AGXT2: variants seen among roughly 807,000 people sequenced by gnomAD.
The protein encoded by AGXT2 is alanine--glyoxylate aminotransferase 2, mitochondrial.
Under a neutral mutation model 62.5 loss-of-function variants are expected in AGXT2, and 61 were observed. That is an observed-to-expected ratio of 0.98 (90% CI 0.79 to 1.21). The LOEUF (loss-of-function observed/expected upper bound fraction) is 1.21. AGXT2 is among the 50% of genes most tolerant of loss of function. The pLI is 0.00. For synonymous variants in AGXT2, 243 were observed against 218.7 expected (o/e 1.11, Z -0.98); for missense variants, 666 against 641.5 (o/e 1.04, Z -0.41).
rs1261849971 is a variant in AGXT2 at position 35,035,242 on chromosome 5, G to A, written c.561C>T (p.Asn187=). Residue 187 remains asparagine, a synonymous_variant, in exon 5 of 14, where the codon AAC becomes AAT. Coordinates refer to ENST00000231420, the MANE Select transcript of AGXT2 (RefSeq NM_031900.4). The part of the protein sequence containing the change: ...AMLMARAHSN[N]IDIISFRGAY... Reference sequence around the variant, plus strand: ...ATTACCTGAAAGAAATGATGTCTATGTTGTTTGAGTGCGCCCTGGCCATCA... The same window carrying A: ...ATTACCTGAAAGAAATGATGTCTATATTGTTTGAGTGCGCCCTGGCCATCA... 6.2e-7 allele frequency: 1 copy of A among 1,613,986 alleles called. No homozygotes were observed. Among genetic ancestry groups the A allele is most frequent in the South Asian group, 1.1e-5 (1 of 91,086 alleles).
chr5:35,004,036 T>C (rs546445392), intron 12 of AGXT2, among the ~76,000 whole-genome samples, 175 bp from the exon 13 acceptor site: 15 of 152,328 alleles, frequency 9.8e-5, no homozygotes, highest in Middle Eastern at 3.4e-3. Flanking sequence ...TGCTAATTGC[T>C]GAACCAGATT....
intron 9 of AGXT2, among the ~76,000 whole-genome samples, chr5:35,023,732 C>A (rs1201035052): frequency 6.6e-6 from 1 of 152,206 alleles, no homozygotes; most frequent in Non-Finnish European, 1.5e-5. Flanking sequence ...TCAGCAGGAG[C>A]AGGCTGGCCC....
chr5:35,027,887 C>T (rs1268369022), intron 7 of AGXT2, among the ~76,000 whole-genome samples: 2 of 150,210 alleles, frequency 1.3e-5, no homozygotes, highest in Admixed American at 6.7e-5. Context: ...CCTCCCAGTC[C>T]CTCCACTTCC....
At position 35,032,759 on chromosome 5, in the gene AGXT2, T is replaced by G. The variant is rs1767616111; in HGVS notation, c.742A>C (p.Thr248Pro). 1.2e-6 allele frequency: 2 copies of G among 1,609,504 alleles called. No individual in the cohort carries two copies. The highest frequency in any genetic ancestry group is 2.7e-5 in the African/African-American group (2 of 74,880). Residue 248 changes from threonine to proline, a missense_variant, in exon 7 of 14, where the codon ACA becomes CCA. Physicochemically the swap from Thr to Pro is conservative, Grantham distance 38. Transcript: ENST00000231420. ...GSHCRDSPVQ[T>P]IRKCSCAPDC... The stretch of plus-strand genomic sequence containing the variant: ...GGTGCACAGCTGCACTTCCTGATTG[T>G]TTGCACTGGAGAATCTCGACAGTGG...
rs558555911 is a variant in AGXT2 at position 35,040,433 on chromosome 5, A to G, written c.177+142T>C. The stretch of plus-strand genomic sequence containing the variant: ...GATTAAGAGGGTTTCAGATGCTTCC[A>G]ATGACTTAGAGGTACAATATCTGGA... On this transcript the variant is annotated intron_variant, in intron 2 of 13. Coordinates refer to ENST00000231420, the MANE Select transcript of AGXT2 (RefSeq NM_031900.4). The G allele has an allele frequency of 3.8e-6, 3 of 787,218 alleles. No homozygotes were observed. The South Asian group carries it at 4.4e-5, about 11-fold the overall frequency. The allele number at this position is 787,218 out of a possible 1,614,324, so 48.8% of individuals were successfully genotyped here. A position where few individuals can be genotyped will look rare whatever the true frequency, so the allele number is the denominator to read the frequency against.
intron 7 of AGXT2, among the ~76,000 whole-genome samples, chr5:35,029,422 C>T (rs1232779685): frequency 6.6e-6 from 1 of 152,214 alleles, no homozygotes; most frequent in Non-Finnish European, 1.5e-5. Flanking sequence ...TTTTCCCTCT[C>T]TGCCCACATG....
At chr5:35,000,360 C>T (rs1209357105) in intron 13 of AGXT2, among the ~76,000 whole-genome samples, 1 of 152,044 alleles carries the variant, frequency 6.6e-6, no homozygotes, top group Non-Finnish European at 1.5e-5. Flanking sequence ...CCTTCTCCTG[C>T]CTTTTATTAT....
intron 9 of AGXT2, among the ~76,000 whole-genome samples, chr5:35,018,342 A>G (rs891220410): frequency 1.3e-5 from 2 of 152,230 alleles, no homozygotes; most frequent in Non-Finnish European, 2.9e-5. Flanking sequence ...GGTTACCCTC[A>G]AAGGGAAGCC....
intron 12 of AGXT2, among the ~76,000 whole-genome samples, chr5:35,006,841 C>T (rs192656152): frequency 9.2e-5 from 14 of 152,204 alleles, no homozygotes; most frequent in East Asian, 5.8e-4. Context: ...TATAACTATG[C>T]GACTGTGGTT....
chr5:35,016,777 C>G (rs1237130094), intron 9 of AGXT2, among the ~76,000 whole-genome samples: 1 of 152,010 alleles, frequency 6.6e-6, no homozygotes, highest in Admixed American at 6.5e-5. Flanking sequence ...TATGTAAAAC[C>G]ATAAACCATG....
At chr5:35,010,904 C>T (rs994784720) in intron 11 of AGXT2, among the ~76,000 whole-genome samples, 11 of 152,264 alleles carry the variant, frequency 7.2e-5, no homozygotes, top group African/African-American at 2.4e-4. Flanking sequence ...CAGACATGGA[C>T]TCTCATAGCC....
intron 13 of AGXT2, among the ~76,000 whole-genome samples, chr5:34,999,236 C>G (rs1220298638): frequency 6.6e-6 from 1 of 152,230 alleles, no homozygotes; most frequent in Non-Finnish European, 1.5e-5. Flanking sequence ...ATACCCATGG[C>G]CAATGCCATG....
chr5:35,034,141 CTA>C (rs1767681506), intron 5 of AGXT2, among the ~76,000 whole-genome samples: 1 of 152,030 alleles, frequency 6.6e-6, no homozygotes, highest in African/African-American at 2.4e-5. Context: ...ACCGTTAAGA[CTA>C]TTCAAAAGAA....
intron 13 of AGXT2, 116 bp from the exon 14 acceptor site, chr5:34,998,942 T>C: frequency 1.2e-6 from 1 of 812,616 alleles, no homozygotes; most frequent in Admixed American, 2.0e-5. Flanking sequence ...CTCATGTTTC[T>C]CTCAGTTTGG....
chr5:35,002,015 T>C (rs1766243837), intron 13 of AGXT2, among the ~76,000 whole-genome samples: 1 of 152,174 alleles, frequency 6.6e-6, no homozygotes, highest in Non-Finnish European at 1.5e-5. Context: ...CAATTACTTT[T>C]ACAGCAACCT....
chr5:35,046,765 G>A (rs1198964345), intron 1 of AGXT2, among the ~76,000 whole-genome samples: 1 of 152,138 alleles, frequency 6.6e-6, no homozygotes, highest in African/African-American at 2.4e-5. Flanking sequence ...GTCACAATGG[G>A]GAATGTAAAA....
intron 3 of AGXT2, among the ~76,000 whole-genome samples, chr5:35,037,638 A>G (rs1197697026): frequency 6.6e-6 from 1 of 151,992 alleles, no homozygotes; most frequent in Non-Finnish European, 1.5e-5. Flanking sequence ...CTGCAGCCTC[A>G]ATTCCTGGGC....
chr5:35,032,310 C>G (rs972127529), intron 7 of AGXT2, among the ~76,000 whole-genome samples: 2 of 152,068 alleles, frequency 1.3e-5, no homozygotes, highest in Non-Finnish European at 2.9e-5. Flanking sequence ...TCACTGCAGC[C>G]TCGACTTCCT....
chr5:35,028,035 C>T (rs1408026234), intron 7 of AGXT2, among the ~76,000 whole-genome samples: 1 of 151,616 alleles, frequency 6.6e-6, no homozygotes, highest in Non-Finnish European at 1.5e-5. Flanking sequence ...GGAGGGTTTC[C>T]TATAAGATCC....
Sources: gnomAD v4.1 joint callset for allele counts (sites outside exome capture counted in the v4.1 genomes callset) on GRCh38, gnomAD v4.1.1 for gene constraint, MANE v1.5 for transcripts, NCBI Gene and HGNC (gene_info 2026-07-23, HGNC 2026-07-21) for gene names.